Variants in CLASP1 observed in about 807,000 individuals in gnomAD.
CLASP1 encodes CLIP-associating protein 1.
In CLASP1, 38 loss-of-function variants were observed where a neutral mutation model predicts 192.3. The observed-to-expected ratio is 0.20, with a 90% CI of 0.15 to 0.26. The LOEUF is 0.26. CLASP1 is among the 10% of genes least tolerant of loss of function. The probability of loss-of-function intolerance (pLI) is 1.00; values close to 1 mark genes in which losing one functional copy is unlikely to be tolerated. For missense variants in CLASP1, 1,433 were observed against 1,932.5 expected (o/e 0.74, Z 4.85); for synonymous variants, 691 against 712.8 (o/e 0.97, Z 0.49).
chr2:121,477,162 G>C (rs918465219), intron 8 of CLASP1, among the ~76,000 whole-genome samples: 9 of 152,036 alleles, frequency 5.9e-5, no homozygotes, highest in Non-Finnish European at 1.0e-4. Context: ...TATTCTTCTT[G>C]GTATTTACAA....
At chr2:121,353,561 T>TA (rs2064882593) in intron 37 of CLASP1, among the ~76,000 whole-genome samples, 1 of 152,236 alleles carries the variant, frequency 6.6e-6, no homozygotes. Context: ...CCTGAGGACT[T>TA]ACTGCAACAC....
intron 32 of CLASP1, among the ~76,000 whole-genome samples, chr2:121,385,482 G>C (rs976492254): frequency 6.6e-6 from 1 of 152,162 alleles, no homozygotes; most frequent in African/African-American, 2.4e-5. Context: ...AATTAAGAAG[G>C]AATAATGACC....
chr2:121,527,932 T>G, intron 4 of CLASP1, 42 bp from the exon 5 acceptor site: 1 of 1,500,980 alleles, frequency 6.7e-7, no homozygotes, highest in Non-Finnish European at 9.3e-7. Flanking sequence ...AGAAGACTGC[T>G]GCAGCTGACA....
chr2:121,544,435 T>C (rs1477543921), intron 2 of CLASP1, among the ~76,000 whole-genome samples: 10 of 77,220 alleles, frequency 1.3e-4, no homozygotes, highest in Non-Finnish European at 2.6e-4. Flanking sequence ...TCAAAAAATA[T>C]ATACAAAAAA....
At chr2:121,532,005 A>G (rs2094904756) in intron 2 of CLASP1, among the ~76,000 whole-genome samples, 1 of 152,242 alleles carries the variant, frequency 6.6e-6, no homozygotes, top group Non-Finnish European at 1.5e-5. Flanking sequence ...AAAGCCGGGC[A>G]CTGCCCAATG....
intron 8 of CLASP1, among the ~76,000 whole-genome samples, chr2:121,478,894 CACACACCACACCACA>C (rs2092227935): frequency 4.6e-5 from 1 of 21,774 alleles, no homozygotes; most frequent in Admixed American, 5.2e-4. Flanking sequence ...ACACCACACA[CACACACCACACCACA>C]CACACCACAC....
chr2:121,571,989 A>C (rs2060017858), intron 2 of CLASP1, among the ~76,000 whole-genome samples: 1 of 152,080 alleles, frequency 6.6e-6, no homozygotes, highest in African/African-American at 2.4e-5. Flanking sequence ...AGAGAGAGGA[A>C]GAAAGAAAGC....
intron 24 of CLASP1, among the ~76,000 whole-genome samples, chr2:121,408,430 T>A (rs2077219781): frequency 6.6e-6 from 1 of 152,202 alleles, no homozygotes; most frequent in African/African-American, 2.4e-5. Context: ...TATTCACTTC[T>A]CTGACCCTGA....
chr2:121,343,439 G>A lies in CLASP1; in HGVS notation c.4531-2492C>T, dbSNP rs191818453. The stretch of plus-strand genomic sequence containing the variant: ...CAACCCAGGGTCTATCAACAGATGA[G>A]CAGATAAACAAACCATGCAATCTAC... On this transcript the variant is annotated intron_variant, in intron 39 of 39. Coordinates refer to ENST00000263710, the Ensembl canonical transcript of CLASP1. 3.3e-5 allele frequency among the ~76,000 whole-genome samples: 5 copies of A among 150,894 alleles called. No homozygotes were observed. The East Asian group carries it at 9.8e-4, about 30-fold the overall frequency.
intron 3 of CLASP1, among the ~76,000 whole-genome samples, chr2:121,529,790 G>C (rs1027198880): frequency 6.6e-6 from 1 of 152,204 alleles, no homozygotes. Context: ...AACTGGCTTG[G>C]TTTTATAGGA....
intron 2 of CLASP1, among the ~76,000 whole-genome samples, chr2:121,595,730 AC>A (rs2063055485): frequency 2.0e-5 from 3 of 152,196 alleles, no homozygotes; most frequent in Non-Finnish European, 4.4e-5. Context: ...ATTACAAGAG[AC>A]CCAAGGCCTC....
At chr2:121,397,314 T>C in intron 29 of CLASP1, 31 bp from the exon 31 acceptor site, 3 of 1,593,596 alleles carry the variant, frequency 1.9e-6, no homozygotes, top group East Asian at 2.2e-5. Context: ...AAACATTAAG[T>C]ACACTTGATG....
chr2:121,616,628 A>C (rs1338831805), intron 1 of CLASP1, among the ~76,000 whole-genome samples: 1 of 152,190 alleles, frequency 6.6e-6, no homozygotes, highest in African/African-American at 2.4e-5. Context: ...ATTTCTATCA[A>C]TAAGACAATC....
intron 2 of CLASP1, among the ~76,000 whole-genome samples, chr2:121,536,981 T>A (rs144498115): frequency 3.9e-5 from 6 of 152,192 alleles, no homozygotes; most frequent in Non-Finnish European, 7.3e-5. Context: ...TTTTAAACAA[T>A]AGCTGATGGT....
rs577153444 is a variant in CLASP1 at position 121,648,716 on chromosome 2, G to A, written c.-286+656C>T. ...TACCAAAGAACAACAAAGGCAAGTTGAGAAGTCTGCACAGGCTTAACTCAG... is the reference window on the plus strand; with the variant it reads ...TACCAAAGAACAACAAAGGCAAGTTAAGAAGTCTGCACAGGCTTAACTCAG... On this transcript the variant is annotated intron_variant, in intron 1 of 39. Coordinates refer to ENST00000263710, the Ensembl canonical transcript of CLASP1. Among the ~76,000 whole-genome samples the A allele has an allele frequency of 2.0e-5, 3 of 152,316 alleles. No individual in the cohort carries two copies. The South Asian group carries it at 6.2e-4, about 32-fold the overall frequency.
chr2:121,432,394 C>T (rs1017471393), intron 19 of CLASP1, among the ~76,000 whole-genome samples: 2 of 152,158 alleles, frequency 1.3e-5, no homozygotes, highest in African/African-American at 4.8e-5. Flanking sequence ...TCTGGGATTA[C>T]GGGCAGGAGC....
chr2:121,381,759 A>T (rs1303184025), intron 33 of CLASP1, among the ~76,000 whole-genome samples: 1 of 152,190 alleles, frequency 6.6e-6, no homozygotes, highest in East Asian at 1.9e-4. Flanking sequence ...AATCAGTTAC[A>T]AATAGTCAAT....
intron 1 of CLASP1, among the ~76,000 whole-genome samples, chr2:121,634,976 C>T (rs1227706256): frequency 1.3e-5 from 2 of 152,068 alleles, no homozygotes; most frequent in African/African-American, 4.8e-5. Flanking sequence ...AGTTTGCATC[C>T]CTCCTTCCTA....
chr2:121,636,922 A>C (rs907183416), intron 1 of CLASP1, among the ~76,000 whole-genome samples: 2 of 152,178 alleles, frequency 1.3e-5, no homozygotes, highest in African/African-American at 4.8e-5. Context: ...GATTTTCTGC[A>C]ACTACCCCAA....
Sources: gnomAD v4.1 joint callset for allele counts (sites outside exome capture counted in the v4.1 genomes callset) on GRCh38, gnomAD v4.1.1 for gene constraint, MANE v1.5 for transcripts, NCBI Gene and HGNC (gene_info 2026-07-23, HGNC 2026-07-21) for gene names.